The following NDFIP2 variants were observed in gnomAD, a reference collection of about 807,000 sequenced individuals.
NDFIP2 encodes the protein Nedd4 family interacting protein 2.
NDFIP2 carries 19 observed loss-of-function variants against 36.0 expected under a neutral mutation model. That is an observed-to-expected ratio of 0.53 (90% CI 0.37 to 0.77). The LOEUF (loss-of-function observed/expected upper bound fraction) is 0.77. NDFIP2 is among the 30% of genes least tolerant of loss of function. NDFIP2 has a pLI of 0.00. For synonymous variants in NDFIP2, 181 were observed against 167.7 expected, an observed-to-expected ratio of 1.08 and a Z score of -0.61; for missense variants, 446 against 435.8, an observed-to-expected ratio of 1.02 and a Z score of -0.21.
At chr13:79,548,258 C>T in intron 5 of NDFIP2, 70 bp from the exon 6 acceptor site, 1 of 1,148,528 alleles carries the variant, frequency 8.7e-7, no homozygotes, top group Non-Finnish European at 1.3e-6. Context: ...CATTATGAAA[C>T]TGAAGATAAT....
chr13:79,523,809 G>T (rs1225447936), intron 2 of NDFIP2, among the ~76,000 whole-genome samples: 1 of 152,190 alleles, frequency 6.6e-6, no homozygotes, highest in Admixed American at 6.5e-5. Context: ...TCAGAAGGGG[G>T]ATTGTCTACT....
intron 4 of NDFIP2, among the ~76,000 whole-genome samples, 171 bp from the exon 5 acceptor site, chr13:79,543,387 C>T (rs2137113062): frequency 6.6e-6 from 1 of 152,162 alleles, no homozygotes; most frequent in East Asian, 1.9e-4. Context: ...TACAGTATAG[C>T]AAATAAGCCA....
chr13:79,484,101 C>T (rs561259005), intron 1 of NDFIP2, among the ~76,000 whole-genome samples: 4 of 151,938 alleles, frequency 2.6e-5, no homozygotes, highest in South Asian at 2.1e-4. Context: ...CTGCAACATC[C>T]GCCTCCTGGG....
intron 1 of NDFIP2, among the ~76,000 whole-genome samples, chr13:79,497,703 T>C (rs1169832781): frequency 2.0e-5 from 3 of 148,342 alleles, no homozygotes; most frequent in Non-Finnish European, 4.5e-5. Context: ...ACTCTCTCCC[T>C]AGTATTTTTG....
chr13:79,545,672 A>G (rs534748955), intron 5 of NDFIP2, among the ~76,000 whole-genome samples: 2 of 152,324 alleles, frequency 1.3e-5, no homozygotes, highest in South Asian at 4.1e-4. Context: ...GCTGGTGATG[A>G]TCTAGCCATT....
chr13:79,535,160 T>C (rs1411719659), intron 3 of NDFIP2, among the ~76,000 whole-genome samples: 2 of 152,306 alleles, frequency 1.3e-5, no homozygotes, highest in East Asian at 1.9e-4. Context: ...TATTTGTAAA[T>C]GAACATGCAC....
intron 5 of NDFIP2, among the ~76,000 whole-genome samples, chr13:79,544,521 G>A (rs1284640908): frequency 6.6e-6 from 1 of 150,980 alleles, no homozygotes; most frequent in East Asian, 1.9e-4. Flanking sequence ...GTAAGATCTA[G>A]GAGAATGATC....
At chr13:79,526,480 A>T (rs1485803824) in intron 2 of NDFIP2, among the ~76,000 whole-genome samples, 1 of 152,198 alleles carries the variant, frequency 6.6e-6, no homozygotes, top group Non-Finnish European at 1.5e-5. Flanking sequence ...AGGAGGAAGA[A>T]GTTGTCTATG....
At chr13:79,481,731 G>A (rs1566651011) in intron 1 of NDFIP2, among the ~76,000 whole-genome samples, 1 of 151,842 alleles carries the variant, frequency 6.6e-6, no homozygotes, top group Non-Finnish European at 1.5e-5. Context: ...CTTCTCTCTC[G>A]CCCCAAGTCT....
At chr13:79,545,181 A>T (rs78823129) in intron 5 of NDFIP2, among the ~76,000 whole-genome samples, 1 of 152,226 alleles carries the variant, frequency 6.6e-6, no homozygotes, top group Non-Finnish European at 1.5e-5. Flanking sequence ...ATCACAGAAC[A>T]TAGAAAATGA....
At chr13:79,511,629 A>G (rs1874086783) in intron 1 of NDFIP2, among the ~76,000 whole-genome samples, 1 of 152,176 alleles carries the variant, frequency 6.6e-6, no homozygotes, top group Non-Finnish European at 1.5e-5. Flanking sequence ...CCATTATTTG[A>G]CAAGCTCCCA....
intron 1 of NDFIP2, among the ~76,000 whole-genome samples, chr13:79,487,775 T>C (rs1470284269): frequency 6.6e-6 from 1 of 152,168 alleles, no homozygotes; most frequent in Non-Finnish European, 1.5e-5. Context: ...TTCCTGTTCT[T>C]AGCATACAAG....
intron 3 of NDFIP2, among the ~76,000 whole-genome samples, chr13:79,536,266 C>T (rs1471174277): frequency 6.6e-6 from 1 of 152,022 alleles, no homozygotes; most frequent in Non-Finnish European, 1.5e-5. Context: ...TTTTTTGTAA[C>T]TTGTTTTAAA....
chr13:79,506,076 CT>C (rs1873855704), intron 1 of NDFIP2, among the ~76,000 whole-genome samples: 1 of 152,246 alleles, frequency 6.6e-6, no homozygotes. Flanking sequence ...AAACTTATTC[CT>C]TTAAGCACAG....
chr13:79,501,695 T>C (rs978824137), intron 1 of NDFIP2, among the ~76,000 whole-genome samples: 1 of 152,146 alleles, frequency 6.6e-6, no homozygotes, highest in African/African-American at 2.4e-5. Flanking sequence ...GACTATCATC[T>C]GTAGTGGTGT....
chr13:79,507,267 G>GTTTTTTT (rs1317436634), intron 1 of NDFIP2, among the ~76,000 whole-genome samples: 2 of 47,084 alleles, frequency 4.2e-5, no homozygotes, highest in Non-Finnish European at 6.4e-5. Flanking sequence ...TTCTGATTGA[G>GTTTTTTT]TTTTTTTTTT....
intron 1 of NDFIP2, among the ~76,000 whole-genome samples, chr13:79,513,986 A>C (rs1466923776): frequency 2.6e-5 from 4 of 152,136 alleles, no homozygotes; most frequent in African/African-American, 9.7e-5. Context: ...TCCATGAGGG[A>C]ATCTTGGTAT....
At position 79,481,466 on chromosome 13, in the gene NDFIP2, C is replaced by A; in HGVS notation, c.263C>A (p.Pro88Gln). The change falls in exon 1 of 8, where the codon CCG becomes CAG. Residue 88 changes from proline (P) to glutamine (Q), a missense_variant. Physicochemically the swap from Pro to Gln is moderately conservative, Grantham distance 76. Coordinates refer to ENST00000218652, the MANE Select transcript of NDFIP2 (RefSeq NM_019080.3). ...EHGEDSLSRK[P>Q]DPEPGRMDHH... Reference sequence around the variant, plus strand: ...GGAGAAGACTCCCTCTCTCGGAAGCCGGATCCCGAGCCGGGCAGGATGGAT... The same window carrying A: ...GGAGAAGACTCCCTCTCTCGGAAGCAGGATCCCGAGCCGGGCAGGATGGAT... 3.8e-6 allele frequency: 6 copies of A among 1,563,480 alleles called. No individual in the cohort carries two copies. The highest frequency in any genetic ancestry group is 5.2e-6 in the Non-Finnish European group (6 of 1,153,526).
intron 1 of NDFIP2, among the ~76,000 whole-genome samples, chr13:79,515,698 T>G (rs750373457): frequency 2.6e-5 from 4 of 152,218 alleles, no homozygotes; most frequent in Non-Finnish European, 5.9e-5. Flanking sequence ...TGGGTACATT[T>G]CTTCTGAGCT....
Sources: allele counts gnomAD v4.1 joint callset (sites outside exome capture counted in the v4.1 genomes callset), GRCh38; gene constraint gnomAD v4.1.1; transcripts MANE v1.5; gene names NCBI Gene and HGNC (gene_info 2026-07-23, HGNC 2026-07-21).